Variants in ADAMTS2 observed in about 807,000 individuals in gnomAD.
The protein encoded by ADAMTS2 is A disintegrin and metalloproteinase with thrombospondin motifs 2.
In ADAMTS2, 50 loss-of-function variants were observed where a neutral mutation model predicts 123.0. The ratio of observed to expected loss-of-function variants is 0.41; its 90% CI spans 0.32 to 0.51. The LOEUF (loss-of-function observed/expected upper bound fraction) is 0.51, where lower values mean the gene tolerates loss of function less well. ADAMTS2 is among the 20% of genes least tolerant of loss of function. The pLI, the probability that ADAMTS2 is intolerant of heterozygous loss-of-function variation, is 0.35. For synonymous variants in ADAMTS2, 678 were observed against 695.4 expected, an observed-to-expected ratio of 0.98 and a Z score of 0.39; for missense variants, 1,494 against 1,705.2, an observed-to-expected ratio of 0.88 and a Z score of 2.18.
At chr5:179,318,298 C>T (rs1289242688) in intron 2 of ADAMTS2, among the ~76,000 whole-genome samples, 1 of 152,228 alleles carries the variant, frequency 6.6e-6, no homozygotes, top group Non-Finnish European at 1.5e-5. Flanking sequence ...TAATTAAATG[C>T]GCTGCCGCTG....
Position 179,117,235 on chromosome 5 carries a change from T to C in ADAMTS2, c.3179-2911A>G, listed in dbSNP as rs114925344. Among the ~76,000 whole-genome samples, 1,274 of 152,222 alleles carry C rather than the reference T, an allele frequency of 8.4e-3. 14 individuals carry two copies. Among genetic ancestry groups the C allele is most frequent in the African/African-American group, 0.029 (1,206 of 41,536 alleles). ...GGGGGTTCTGGATAAGAGCTGATGG[T>C]GGCCTCCCTTCTCCCTACCCCATAG... is the stretch of plus-strand genomic sequence containing the variant. On this transcript the variant is annotated intron_variant, in intron 21 of 21. Transcript: ENST00000251582. This position sits in a 1 kb window ranked among gnomAD's most constrained non-coding sequence, Gnocchi z 4.2.
rs1449174353 is a variant in ADAMTS2, at chr5:179,142,702, G to A, written c.1630-2667C>T. On this transcript the variant is annotated intron_variant, in intron 10 of 21. Transcript: ENST00000251582. ...CCAGGGCATTAGGGGCAGGGGTGCA[G>A]TCAGGGTGACTGCATATGACCAAGG... 1.3e-5 allele frequency among the ~76,000 whole-genome samples: 2 copies of A among 152,220 alleles called. 1 individual carries two copies. Among genetic ancestry groups the A allele is most frequent in the South Asian group, 4.1e-4 (2 of 4,830 alleles).
intron 5 of ADAMTS2, among the ~76,000 whole-genome samples, chr5:179,177,685 C>T (rs999229833): frequency 6.6e-6 from 1 of 152,046 alleles, no homozygotes. Flanking sequence ...TTCTCACCTT[C>T]AGGGTTTGAC....
In ADAMTS2 at chr5:179,293,724, G is replaced by A. The variant is rs1052116489; in HGVS notation, c.535-20660C>T. ...CACCTCCTGGGTTCAAGTGATTCTC[G>A]TGTCTCAGCCTCCCGAGTAGCTGTG... On this transcript the variant is annotated intron_variant, in intron 2 of 21. Transcript: ENST00000251582. Among the ~76,000 whole-genome samples the A allele has an allele frequency of 7.9e-5, 12 of 151,756 alleles. No homozygotes were observed. The South Asian group carries it at 2.5e-3, about 32-fold the overall frequency.
Position 179,152,124 on chromosome 5 carries a change from C to A in ADAMTS2, c.1629+18G>T. 1.2e-6 allele frequency: 2 copies of A among 1,605,450 alleles called. No individual in the cohort carries two copies. The highest frequency in any genetic ancestry group is 1.7e-6 in the Non-Finnish European group (2 of 1,172,214). On this transcript the variant is annotated intron_variant, in intron 10 of 21. Transcript: ENST00000251582. ...CCTCTGCCCTGCTGCCCTCCAAGAG[C>A]CCTTGATGCTGCCTCACCTTGCCAG...
intron 4 of ADAMTS2, among the ~76,000 whole-genome samples, chr5:179,201,111 G>A (rs1237078258): frequency 2.0e-5 from 3 of 152,344 alleles, no homozygotes; most frequent in Admixed American, 2.0e-4. Flanking sequence ...TCAGTGGTGT[G>A]AGGAGGTGGG....
intron 2 of ADAMTS2, among the ~76,000 whole-genome samples, chr5:179,315,764 T>G (rs1756973990): frequency 6.6e-6 from 1 of 152,216 alleles, no homozygotes. Flanking sequence ...GAGAGAGGGC[T>G]TGGTGGCTGC....
intron 2 of ADAMTS2, among the ~76,000 whole-genome samples, chr5:179,341,843 AGCTCTGTCTGGTACAT>A (rs1483892791): frequency 6.6e-6 from 1 of 152,028 alleles, no homozygotes; most frequent in African/African-American, 2.4e-5. Context: ...TATTCTTCCC[AGCTCTGTCTGGTACAT>A]GGGACACTTC....
rs1764018299 is a variant in ADAMTS2, at chr5:179,180,364, G to A, written c.975+708C>T. 6.6e-6 allele frequency among the ~76,000 whole-genome samples: 1 copy of A among 152,248 alleles called. No individual in the cohort carries two copies. The highest frequency in any genetic ancestry group is 1.9e-4 in the East Asian group (1 of 5,198). The stretch of plus-strand genomic sequence containing the variant: ...CCAGCTGGGACAGCAGCCGAGGCCA[G>A]AGGAGAGGAGGCCACAGATTTAATA... On this transcript the variant is annotated intron_variant, in intron 5 of 21. Transcript: ENST00000251582. The surrounding 1 kb of genome is among the most constrained non-coding windows in gnomAD (Gnocchi z 4.6).
intron 2 of ADAMTS2, among the ~76,000 whole-genome samples, chr5:179,324,665 A>G (rs1048563596): frequency 2.6e-5 from 4 of 152,214 alleles, no homozygotes; most frequent in Non-Finnish European, 4.4e-5. Flanking sequence ...TGCTGGGATT[A>G]TAGGCGTGAG....
At chr5:179,246,332 A>T (rs1420779383) in intron 3 of ADAMTS2, among the ~76,000 whole-genome samples, 1 of 152,154 alleles carries the variant, frequency 6.6e-6, no homozygotes, top group African/African-American at 2.4e-5. Context: ...ACTGTCTCGG[A>T]GCTTCCCCAG....
intron 2 of ADAMTS2, among the ~76,000 whole-genome samples, chr5:179,279,394 T>C (rs1766830632): frequency 1.3e-5 from 2 of 152,210 alleles, no homozygotes; most frequent in African/African-American, 4.8e-5. Flanking sequence ...CTGCTAAGAT[T>C]CCCATTCCTG....
chr5:179,253,828 T>C (rs963046113), intron 3 of ADAMTS2, among the ~76,000 whole-genome samples: 6 of 152,112 alleles, frequency 3.9e-5, no homozygotes, highest in Admixed American at 2.6e-4. Context: ...ACACGCCATG[T>C]CCACACCAAC....
chr5:179,175,515 T>C lies in ADAMTS2; in HGVS notation c.975+5557A>G, dbSNP rs1346416577. 2.0e-5 allele frequency among the ~76,000 whole-genome samples: 3 copies of C among 152,246 alleles called. No homozygotes were observed. The highest frequency in any genetic ancestry group is 7.2e-5 in the African/African-American group (3 of 41,464). ...TGGGTCCATTGTCTTGTCAGGACTA[T>C]TCCAGGTATTCTACATTTTTGGTTA... is the stretch of plus-strand genomic sequence containing the variant. On this transcript the variant is annotated intron_variant, in intron 5 of 21. Transcript: ENST00000251582. The surrounding 1 kb of genome is among the most constrained non-coding windows in gnomAD (Gnocchi z 4.1).
intron 4 of ADAMTS2, among the ~76,000 whole-genome samples, chr5:179,204,353 A>T (rs968311226): frequency 3.9e-5 from 6 of 152,230 alleles, no homozygotes; most frequent in Non-Finnish European, 7.3e-5. Context: ...TGTTCTGTAT[A>T]TTTCACCGCA....
intron 1 of ADAMTS2, among the ~76,000 whole-genome samples, chr5:179,344,558 C>T (rs960686594): frequency 3.9e-5 from 6 of 152,226 alleles, no homozygotes; most frequent in Non-Finnish European, 8.8e-5. Context: ...TCCGGGTTGG[C>T]CCCCTTACCC....
intron 3 of ADAMTS2, among the ~76,000 whole-genome samples, chr5:179,270,408 T>C (rs189746136): frequency 4.6e-5 from 7 of 152,290 alleles, no homozygotes; most frequent in Admixed American, 4.6e-4. Flanking sequence ...ACGTTGCTTT[T>C]GGGGAGGCAG....
chr5:179,303,114 G>A lies in ADAMTS2; in HGVS notation c.535-30050C>T, dbSNP rs1248492207. ...TGCAGTGGGCAGCCCCTGGAGGGTG[G>A]AAGAGACCTGATTCCCCTGTCAGTT... On this transcript the variant is annotated intron_variant, in intron 2 of 21. Transcript: ENST00000251582. This position sits in a 1 kb window ranked among gnomAD's most constrained non-coding sequence, Gnocchi z 4.7. 6.6e-6 allele frequency among the ~76,000 whole-genome samples: 1 copy of A among 152,116 alleles called. No homozygotes were observed. Among genetic ancestry groups the A allele is most frequent in the Admixed American group, 6.5e-5 (1 of 15,276 alleles).
chr5:179,308,295 C>T lies in ADAMTS2; in HGVS notation c.535-35231G>A, dbSNP rs958666992. On this transcript the variant is annotated intron_variant, in intron 2 of 21. Transcript: ENST00000251582. This position sits in a 1 kb window ranked among gnomAD's most constrained non-coding sequence, Gnocchi z 6.6. ...GCAGCAGGAGACGCTGATGGGATGT[C>T]GGGAGTCACCAGGACCATCTGACAA... Among the ~76,000 whole-genome samples the T allele has an allele frequency of 5.3e-5, 8 of 152,286 alleles. No homozygotes were observed. The highest frequency in any genetic ancestry group is 2.1e-4 in the South Asian group (1 of 4,820).
Sources: gnomAD v4.1 joint callset for allele counts (sites outside exome capture counted in the v4.1 genomes callset) on GRCh38, gnomAD v4.1.1 for gene constraint, Gnocchi (gnomAD v3.1) non-coding constraint, MANE v1.5 for transcripts, NCBI Gene and HGNC (gene_info 2026-07-23, HGNC 2026-07-21) for gene names.